The following BCL6 variants were observed in gnomAD, a reference collection of about 807,000 sequenced individuals.
BCL6 encodes the protein B-cell lymphoma 6 protein.
In BCL6, 7 loss-of-function variants were observed where a neutral mutation model predicts 59.5. That is an observed-to-expected ratio of 0.12 (90% CI 0.07 to 0.22). The LOEUF is 0.22. BCL6 is among the 10% of genes least tolerant of loss of function. BCL6 has a pLI of 1.00. For synonymous variants in BCL6, 339 were observed against 349.7 expected (o/e 0.97, Z 0.34); for missense variants, 685 against 939.4 (o/e 0.73, Z 3.54).
intron 9 of BCL6, chr3:187,724,686 A>G (rs1718584801): frequency 8.0e-6 from 4 of 503,016 alleles, no homozygotes; most frequent in Admixed American, 6.6e-5. Context: ...CCTAAGGCCC[A>G]GATCACCTAG....
At chr3:187,724,777 C>G in intron 9 of BCL6, 164 bp downstream of exon 9, 1 of 1,008,084 alleles carries the variant, frequency 9.9e-7, no homozygotes, top group South Asian at 1.6e-5. Context: ...GGGCCCAGAT[C>G]TAGGTCTTCC....
At chr3:187,740,012 C>G (rs571386010) in intron 1 of BCL6, among the ~76,000 whole-genome samples, 87 of 152,266 alleles carry the variant, frequency 5.7e-4, no homozygotes, top group African/African-American at 2.0e-3. Flanking sequence ...ACGCGGCCTC[C>G]GACGGCTCCC....
At chr3:187,745,157 T>A (rs1711875917) in intron 1 of BCL6, among the ~76,000 whole-genome samples, 1 of 152,204 alleles carries the variant, frequency 6.6e-6, no homozygotes, top group South Asian at 2.1e-4. Flanking sequence ...CTATATCCTA[T>A]GGTGGGAGAG....
intron 2 of BCL6, among the ~76,000 whole-genome samples, chr3:187,734,187 C>T (rs1719180979): frequency 6.6e-6 from 1 of 152,150 alleles, no homozygotes; most frequent in Non-Finnish European, 1.5e-5. Context: ...ATTACAGGTG[C>T]CTGCCACCAT....
chr3:187,726,730 C>T lies in BCL6; in HGVS notation c.1708+1G>A, dbSNP rs2108559309. On this transcript the variant is annotated splice_donor_variant, in intron 7 of 9. Transcript: ENST00000406870. LOFTEE classifies it high-confidence loss of function. Reference sequence around the variant, plus strand: ...TCGGGTCGTGTGGGGCAGGGCCATACCGGTATGGACGGTCTTGTGGCTGGC... The same window carrying T: ...TCGGGTCGTGTGGGGCAGGGCCATATCGGTATGGACGGTCTTGTGGCTGGC... The T allele has an allele frequency of 6.2e-7, 1 of 1,613,628 alleles. No homozygotes were observed. The highest frequency in any genetic ancestry group is 8.5e-7 in the Non-Finnish European group (1 of 1,179,816).
intron 6 of BCL6, among the ~76,000 whole-genome samples, 161 bp downstream of exon 6, chr3:187,728,199 G>A (rs1393824445): frequency 2.6e-5 from 4 of 152,210 alleles, no homozygotes; most frequent in African/African-American, 7.2e-5. Context: ...CCCAAGAAGC[G>A]AAGCGTGGGA....
intron 1 of BCL6, among the ~76,000 whole-genome samples, chr3:187,740,439 T>C (rs1292266725): frequency 6.6e-6 from 1 of 152,042 alleles, no homozygotes; most frequent in Non-Finnish European, 1.5e-5. Flanking sequence ...TTAGGCCATA[T>C]TTTCTTTAAA....
At chr3:187,723,526 G>A (rs1046976675) in intron 9 of BCL6, among the ~76,000 whole-genome samples, 17 of 152,128 alleles carry the variant, frequency 1.1e-4, no homozygotes, top group African/African-American at 2.9e-4. Flanking sequence ...AAATGGGTGC[G>A]GGTAGGAGCC....
intron 1 of BCL6, among the ~76,000 whole-genome samples, chr3:187,744,122 T>A (rs578038264): frequency 6.6e-6 from 1 of 151,994 alleles, no homozygotes; most frequent in African/African-American, 2.4e-5. Flanking sequence ...GCTTGCACCA[T>A]GGGAAAAAAT....
chr3:187,729,851 T>C lies in BCL6; in HGVS notation c.554A>G (p.Tyr185Cys). 5.0e-6 allele frequency: 8 copies of C among 1,614,052 alleles called. No homozygotes were observed. The highest frequency in any genetic ancestry group is 6.8e-6 in the Non-Finnish European group (8 of 1,179,992). ...CESRAFAPSLYSGLSTPPASY... is the reference protein window; with the variant it reads ...CESRAFAPSLCSGLSTPPASY... ...GGCTGGCGGTGTGGACAGGCCACTG[T>C]ACAGGCTGGGGGCAAAGGCTCTGCT... Residue 185 changes from tyrosine to cysteine, a missense_variant, in exon 5 of 10, where the codon TAC becomes TGC. Coordinates refer to ENST00000406870, the MANE Select transcript of BCL6 (RefSeq NM_001706.5). This position sits in a 1 kb window ranked among gnomAD's most constrained non-coding sequence, Gnocchi z 5.6.
chr3:187,731,568 C>T (rs1040680438), intron 4 of BCL6, 141 bp downstream of exon 4: 14 of 815,684 alleles, frequency 1.7e-5, no homozygotes, highest in African/African-American at 1.5e-4. Context: ...TTAAGAAGAG[C>T]AGAAGTGTGC....
chr3:187,744,325 A>T (rs1346696962), intron 1 of BCL6, among the ~76,000 whole-genome samples: 2 of 135,106 alleles, frequency 1.5e-5, no homozygotes, highest in Admixed American at 7.4e-5. Context: ...CCCCTTTCCC[A>T]CCCACCCCAA....
rs2108559524 is a variant in BCL6, at chr3:187,726,813, A to G, written c.1626T>C (p.Ser542=). ...SLKRHTLQTH[S]DKPYKCDRCQ... ...AGCGGTCACACTTGTAGGGTTTGTC[A>G]CTGTGGGTCTGCAGCGTGTGCCTCT... Residue 542 remains serine, a synonymous_variant, in exon 7 of 10, where the codon AGT becomes AGC. Transcript: ENST00000406870. 6.2e-7 allele frequency: 1 copy of G among 1,614,220 alleles called. No individual in the cohort carries two copies. Among genetic ancestry groups the G allele is most frequent in the Non-Finnish European group, 8.5e-7 (1 of 1,180,042 alleles).
chr3:187,722,974 G>C (rs56297684), intron 9 of BCL6, among the ~76,000 whole-genome samples: 5,695 of 152,290 alleles, frequency 0.037, 93 homozygotes, highest in African/African-American at 0.056. Context: ...GCCTCTGTAA[G>C]ATTTCTACCT....
chr3:187,727,473 C>A (rs1295856541), intron 6 of BCL6, among the ~76,000 whole-genome samples: 1 of 152,240 alleles, frequency 6.6e-6, no homozygotes, highest in African/African-American at 2.4e-5. Flanking sequence ...CAATGACGAA[C>A]ACTCTGTGGT....
intron 9 of BCL6, 176 bp downstream of exon 9, chr3:187,724,765 T>A: frequency 1.1e-6 from 1 of 882,230 alleles, no homozygotes; most frequent in Non-Finnish European, 1.7e-6. Context: ...TGTCTGGCCA[T>A]TGGGCCCAGA....
intron 7 of BCL6, among the ~76,000 whole-genome samples, chr3:187,726,106 G>C (rs549114430): frequency 6.6e-6 from 1 of 152,310 alleles, no homozygotes; most frequent in East Asian, 1.9e-4. Flanking sequence ...TCACCAGGGA[G>C]ACACAATCAG....
intron 1 of BCL6, among the ~76,000 whole-genome samples, chr3:187,744,512 G>C (rs1362310993): frequency 2.6e-5 from 4 of 151,750 alleles, no homozygotes; most frequent in East Asian, 2.0e-4. Flanking sequence ...GCTCTCATTA[G>C]GAAGATCACG....
In BCL6 at chr3:187,725,388, T is replaced by C. The variant is rs564832837; in HGVS notation, c.1839+111A>G. ...GCTCTGCTCACCTGCCCGCTCCGCT[T>C]GCCTGCCCGCTCCACTTGCCTGCCC... On this transcript the variant is annotated intron_variant, in intron 8 of 9. Transcript: ENST00000406870. This position sits in a 1 kb window ranked among gnomAD's most constrained non-coding sequence, Gnocchi z 4.7. 1.1e-3 allele frequency: 1,712 copies of C among 1,515,210 alleles called. 1 individual carries two copies. The highest frequency in any genetic ancestry group is 1.4e-3 in the Non-Finnish European group (1,557 of 1,125,604). The allele number at this position is 1,515,210 out of a possible 1,614,324, so 93.9% of individuals were successfully genotyped here.
Sources: allele counts gnomAD v4.1 joint callset (sites outside exome capture counted in the v4.1 genomes callset), GRCh38; gene constraint gnomAD v4.1.1; non-coding constraint Gnocchi (gnomAD v3.1); transcripts MANE v1.5; gene names NCBI Gene and HGNC (gene_info 2026-07-23, HGNC 2026-07-21).